CDK5RAP2: variants seen among roughly 807,000 people sequenced by gnomAD.
CDK5RAP2 encodes the protein CDK5 regulatory subunit-associated protein 2.
CDK5RAP2 carries 147 observed loss-of-function variants against 232.9 expected under a neutral mutation model. The ratio of observed to expected loss-of-function variants is 0.63; its 90% confidence interval spans 0.55 to 0.72. CDK5RAP2 has a LOEUF of 0.72. Among genes scored for constraint, CDK5RAP2 ranks in the 30% least tolerant of loss-of-function variants. The pLI is 0.00. For missense variants in CDK5RAP2, 2,195 were observed against 2,231.5 expected (o/e 0.98, Z 0.33); for synonymous variants, 833 against 833.7 (o/e 1.00, Z 0.01).
At chr9:120,514,675 C>T (rs1415388568) in intron 12 of CDK5RAP2, among the ~76,000 whole-genome samples, 1 of 152,188 alleles carries the variant, frequency 6.6e-6, no homozygotes, top group African/African-American at 2.4e-5. Flanking sequence ...ACAAGGCAAT[C>T]AAGTTCCCTT....
chr9:120,531,416 C>T (rs1432272066), intron 7 of CDK5RAP2, among the ~76,000 whole-genome samples: 2 of 152,132 alleles, frequency 1.3e-5, no homozygotes, highest in Non-Finnish European at 2.9e-5. Flanking sequence ...TATCAAATAA[C>T]ACAATATAAT....
intron 12 of CDK5RAP2, among the ~76,000 whole-genome samples, chr9:120,493,252 T>C (rs1184373152): frequency 6.6e-6 from 1 of 152,230 alleles, no homozygotes; most frequent in Non-Finnish European, 1.5e-5. Context: ...TTGAGACTTC[T>C]GACTTCTAGA....
chr9:120,520,823 T>A (rs2040607697), intron 11 of CDK5RAP2, among the ~76,000 whole-genome samples: 2 of 151,714 alleles, frequency 1.3e-5, no homozygotes, highest in Non-Finnish European at 2.9e-5. Context: ...ATCTCATATA[T>A]ATCTCATATG....
chr9:120,443,501 G>GA (rs1274704649), intron 23 of CDK5RAP2, 119 bp downstream of exon 23: 1 of 1,170,886 alleles, frequency 8.5e-7, no homozygotes, highest in Non-Finnish European at 1.3e-6. Flanking sequence ...TGTTAGACTG[G>GA]AATGATAATA....
chr9:120,523,338 A>T (rs2040755591), intron 11 of CDK5RAP2, among the ~76,000 whole-genome samples: 5 of 152,238 alleles, frequency 3.3e-5, no homozygotes, highest in Admixed American at 3.3e-4. Flanking sequence ...CTCTCTGGCT[A>T]TCAGCAGCCA....
intron 12 of CDK5RAP2, among the ~76,000 whole-genome samples, chr9:120,507,347 A>C (rs1347354579): frequency 1.3e-5 from 2 of 152,184 alleles, no homozygotes; most frequent in Non-Finnish European, 1.5e-5. Flanking sequence ...CCATTTTACC[A>C]ATCAGAAAAC....
intron 25 of CDK5RAP2, among the ~76,000 whole-genome samples, chr9:120,435,747 T>C (rs1256006469): frequency 6.6e-6 from 1 of 152,262 alleles, no homozygotes; most frequent in African/African-American, 2.4e-5. Flanking sequence ...TCTGGGACAA[T>C]ATAATATGAA....
Position 120,453,634 on chromosome 9 carries a change from G to A in CDK5RAP2, c.2615C>T (p.Ser872Leu). Residue 872 changes from serine (S) to leucine (L), a missense_variant, in exon 21 of 38, where the codon TCA (serine) becomes TTA (leucine). Coordinates refer to ENST00000349780, the MANE Select transcript of CDK5RAP2 (RefSeq NM_018249.6). ...EVPKVGLKDA[S>L]VQTVATEGDL... ...GCCCTCCGTGGCCACAGTCTGCACT[G>A]AGGCATCTTTCAGTCCTACCTTGGG... 2 of 1,614,184 alleles carry A rather than the reference G, an allele frequency of 1.2e-6. No homozygotes were observed. The highest frequency in any genetic ancestry group is 1.3e-5 in the African/African-American group (1 of 75,034).
chr9:120,462,378 A>C (rs2037139092), intron 18 of CDK5RAP2, among the ~76,000 whole-genome samples: 1 of 152,082 alleles, frequency 6.6e-6, no homozygotes, highest in Non-Finnish European at 1.5e-5. Flanking sequence ...AAGTATTGGC[A>C]ATTTCTTATA....
rs1193813805 is a variant in CDK5RAP2, at chr9:120,400,806, C to T, written c.5387G>A (p.Arg1796Gln). 11 of 1,614,052 alleles carry T rather than the reference C, an allele frequency of 6.8e-6. No individual in the cohort carries two copies. The highest frequency in any genetic ancestry group is 1.6e-4 in the Middle Eastern group (1 of 6,080). Reference sequence around the variant, plus strand: ...TGAGACTCTCCAGAGAAGCTTCAGCCGCCTGTAGGCCTCTTCCAGGGTCAG... The same window carrying T: ...TGAGACTCTCCAGAGAAGCTTCAGCTGCCTGTAGGCCTCTTCCAGGGTCAG... ...AKLTLEEAYR[R>Q]LKLLWRVSLP... is the part of the protein sequence containing the mutation. Residue 1796 changes from arginine (R) to glutamine (Q), a missense_variant, in exon 35 of 38, where the codon CGG (arginine) becomes CAG (glutamine). Arg to Gln is a conservative substitution (Grantham distance 43, BLOSUM62 1). Coordinates refer to ENST00000349780, the MANE Select transcript of CDK5RAP2 (RefSeq NM_018249.6).
chr9:120,419,702 C>T, intron 27 of CDK5RAP2, 86 bp downstream of exon 27: 1 of 1,023,050 alleles, frequency 9.8e-7, no homozygotes, highest in South Asian at 1.3e-5. Context: ...ACTCAAATGT[C>T]ACCACACTCT....
chr9:120,514,820 G>A (rs1039734213), intron 12 of CDK5RAP2, among the ~76,000 whole-genome samples: 2 of 152,026 alleles, frequency 1.3e-5, no homozygotes, highest in African/African-American at 4.8e-5. Context: ...ATATGAAGAC[G>A]TATACATGTT....
intron 28 of CDK5RAP2, among the ~76,000 whole-genome samples, chr9:120,413,685 C>A (rs1329044816): frequency 6.6e-6 from 1 of 152,162 alleles, no homozygotes; most frequent in Non-Finnish European, 1.5e-5. Flanking sequence ...CAGGCATTAC[C>A]AAGAGTGAAT....
rs1053282266 is a variant in CDK5RAP2 at position 120,403,575 on chromosome 9, G to A, written c.5041+461C>T. Reference sequence around the variant, plus strand: ...CATTCTGACCAAGGACAGCAGCAAAGGCATGTCACAGAGAAATGTGTATTC... The same window carrying A: ...CATTCTGACCAAGGACAGCAGCAAAAGCATGTCACAGAGAAATGTGTATTC... On this transcript the variant is annotated intron_variant, in intron 33 of 37. Coordinates refer to ENST00000349780, the MANE Select transcript of CDK5RAP2 (RefSeq NM_018249.6). The surrounding 1 kb of genome is among the most constrained non-coding windows in gnomAD (Gnocchi z 4.2). The A allele has an allele frequency of 7.2e-6, 2 of 277,888 alleles. No homozygotes were observed. Among genetic ancestry groups the A allele is most frequent in the African/African-American group, 4.4e-5 (2 of 45,876 alleles). The allele number at this position is 277,888 out of a possible 1,614,324, so 17.2% of individuals were successfully genotyped here.
At chr9:120,520,235 A>G (rs1412050194) in intron 11 of CDK5RAP2, among the ~76,000 whole-genome samples, 1 of 152,226 alleles carries the variant, frequency 6.6e-6, no homozygotes, top group African/African-American at 2.4e-5. Flanking sequence ...CACAAACTGA[A>G]TACACTCATA....
At chr9:120,437,679 G>T (rs1227777776) in intron 24 of CDK5RAP2, 152 bp from the exon 25 acceptor site, 2 of 644,970 alleles carry the variant, frequency 3.1e-6, no homozygotes, top group Admixed American at 2.6e-5. Context: ...ACTGTACAAG[G>T]TCAGCTCTTC....
At chr9:120,422,466 A>G (rs2034623635) in intron 26 of CDK5RAP2, among the ~76,000 whole-genome samples, 1 of 152,232 alleles carries the variant, frequency 6.6e-6, no homozygotes, top group Non-Finnish European at 1.5e-5. Context: ...AAATCACCTG[A>G]TAGAGATGAC....
At chr9:120,413,933 C>A (rs998053446) in intron 28 of CDK5RAP2, among the ~76,000 whole-genome samples, 1 of 152,066 alleles carries the variant, frequency 6.6e-6, no homozygotes, top group Non-Finnish European at 1.5e-5. Flanking sequence ...ATGTCCCTCC[C>A]GGCTGGTAGC....
At chr9:120,479,269 G>A (rs1381908045) in intron 14 of CDK5RAP2, among the ~76,000 whole-genome samples, 1 of 152,078 alleles carries the variant, frequency 6.6e-6, no homozygotes, top group Non-Finnish European at 1.5e-5. Flanking sequence ...ACTAATAAAT[G>A]TAAAAAGAAT....
Sources: allele counts gnomAD v4.1 joint callset (sites outside exome capture counted in the v4.1 genomes callset), GRCh38; gene constraint gnomAD v4.1.1; non-coding constraint Gnocchi (gnomAD v3.1); transcripts MANE v1.5; gene names NCBI Gene and HGNC (gene_info 2026-07-23, HGNC 2026-07-21).